The following NLRP7 variants were observed in gnomAD, a reference collection of about 807,000 sequenced individuals.
NLRP7 encodes NACHT, LRR and PYD domains-containing protein 7.
In NLRP7, 72 loss-of-function variants were observed where a neutral mutation model predicts 85.5. The ratio of observed to expected loss-of-function variants is 0.84; its 90% CI spans 0.70 to 1.02. NLRP7 has a LOEUF of 1.02. Ranked by LOEUF, NLRP7 falls within the 50% of genes least tolerant of loss-of-function variation. The pLI is 0.00. For missense variants in NLRP7, 1,243 were observed against 1,219.5 expected, an observed-to-expected ratio of 1.02 and a Z score of -0.29; for synonymous variants, 550 against 505.2, an observed-to-expected ratio of 1.09 and a Z score of -1.19.
chr19:54,930,835 C>T (rs1292943068), intron 8 of NLRP7, among the ~76,000 whole-genome samples, 169 bp from the exon 9 acceptor site: 6 of 152,062 alleles, frequency 3.9e-5, no homozygotes, highest in Non-Finnish European at 7.4e-5. Flanking sequence ...TCTGCCTCAG[C>T]CTCCCAAGTA....
At chr19:54,948,790 CA>C (rs1318192123), upstream of NLRP7, 1 of 152,220 alleles carries the variant, frequency 6.6e-6, no homozygotes, top group East Asian at 1.9e-4. Flanking sequence ...AGGCTGGTCT[CA>C]AACTCCTGAT....
rs104895502 is a variant in NLRP7, at chr19:54,938,095, C to T, written c.2078G>A (p.Arg693Gln). 6.2e-6 allele frequency: 10 copies of T among 1,613,900 alleles called. No homozygotes were observed. The highest frequency in any genetic ancestry group is 4.5e-5 in the East Asian group (2 of 44,880). The change falls in exon 5 of 10, where the codon CGG (arginine) becomes CAG (glutamine). Residue 693 changes from arginine (R) to glutamine (Q), a missense_variant. This residue lies in a region of NLRP7 where 613 missense variants were observed against 588.4 expected (regional missense o/e 1.04). Coordinates refer to ENST00000340844, the Ensembl canonical transcript of NLRP7. Reference sequence around the variant, plus strand: ...ACGGGTTACGTGGTCACAAAGAATCCGCACAGAAGAGTCACTCAGGAAGCT... The same window carrying T: ...ACGGGTTACGTGGTCACAAAGAATCTGCACAGAAGAGTCACTCAGGAAGCT...
chr19:54,943,508 G>A (rs1010792530), intron 1 of NLRP7, among the ~76,000 whole-genome samples: 2 of 151,748 alleles, frequency 1.3e-5, no homozygotes, highest in African/African-American at 2.4e-5. Flanking sequence ...GGCTGAGGCA[G>A]GAGAATGGCG....
At chr19:54,964,441 C>T (rs892471494) in intron 1 of NLRP7, among the ~76,000 whole-genome samples, 1 of 148,482 alleles carries the variant, frequency 6.7e-6, no homozygotes, top group South Asian at 2.1e-4. Context: ...TGGTCTCGAT[C>T]TCCTGACCTC....
At chr19:54,959,372 TGTGATCCACCCGCCTTGGCCTCCCAAA>T (rs1027179807) in intron 1 of NLRP7, among the ~76,000 whole-genome samples, 8 of 150,610 alleles carry the variant, frequency 5.3e-5, no homozygotes, top group Non-Finnish European at 7.4e-5. Flanking sequence ...CTCCTGACCT[TGTGATCCACCCGCCTTGGCCTCCCAAA>T]GTGCTGGGAT....
exon 4 of NLRP7, chr19:54,939,859 C>T (rs1353729630): frequency 1.1e-5 from 17 of 1,613,892 alleles, no homozygotes; most frequent in Non-Finnish European, 1.4e-5. Flanking sequence ...AGCCCTCCAC[C>T]CTTACGTAGA....
At chr19:54,939,055 C>T (rs143826297) in exon 4 of NLRP7, 7 of 1,614,056 alleles carry the variant, frequency 4.3e-6, no homozygotes, top group South Asian at 3.3e-5. Flanking sequence ...TGAACGGGGC[C>T]ACCACCACCT....
intron 8 of NLRP7, among the ~76,000 whole-genome samples, chr19:54,931,209 G>T (rs2068662417): frequency 6.6e-6 from 1 of 152,056 alleles, no homozygotes; most frequent in Non-Finnish European, 1.5e-5. Flanking sequence ...ATCATTTGAG[G>T]TCAGGAGTTC....
At chr19:54,926,442 T>G (rs899440054) in intron 9 of NLRP7, among the ~76,000 whole-genome samples, 1 of 151,992 alleles carries the variant, frequency 6.6e-6, no homozygotes, top group Non-Finnish European at 1.5e-5. Context: ...GTACACACAC[T>G]CCCAAAAAAA....
chr19:54,937,981 A>G, intron 5 of NLRP7, 63 bp downstream of exon 5: 1 of 1,317,140 alleles, frequency 7.6e-7, no homozygotes, highest in Middle Eastern at 1.8e-4. Flanking sequence ...AATTTAAAAA[A>G]CAAAAGTACA....
intron 5 of NLRP7, among the ~76,000 whole-genome samples, chr19:54,937,054 T>A (rs1186593177): frequency 3.3e-5 from 5 of 150,090 alleles, no homozygotes; most frequent in Middle Eastern, 3.5e-3. Flanking sequence ...CCGTCTTTAC[T>A]AAAATTACAA....
At chr19:54,958,865 G>A (rs550661614) in intron 1 of NLRP7, among the ~76,000 whole-genome samples, 8 of 152,100 alleles carry the variant, frequency 5.3e-5, no homozygotes, top group East Asian at 1.9e-4. Flanking sequence ...TAAAGACTGC[G>A]CATGAAAGGG....
intron 1 of NLRP7, among the ~76,000 whole-genome samples, chr19:54,946,271 G>A (rs912749663): frequency 6.6e-6 from 1 of 151,474 alleles, no homozygotes; most frequent in Non-Finnish European, 1.5e-5. Context: ...GAGTGCAGTG[G>A]CGCAATCTCA....
intron 9 of NLRP7, among the ~76,000 whole-genome samples, chr19:54,924,620 CTTTAAAAAATAAA>C (rs961238235): frequency 3.9e-5 from 6 of 151,936 alleles, no homozygotes; most frequent in African/African-American, 1.5e-4. Context: ...TAAAACATGC[CTTTAAAAAATAAA>C]TTTAAAAAAT....
upstream of NLRP7, among the ~76,000 whole-genome samples, chr19:54,950,701 A>G (rs956220586): frequency 6.6e-5 from 10 of 150,538 alleles, no homozygotes; most frequent in East Asian, 1.7e-3. Flanking sequence ...TATATGGAAT[A>G]TACAATCGGG....
exon 4 of NLRP7, chr19:54,940,241 A>C: frequency 6.2e-7 from 1 of 1,614,214 alleles, no homozygotes; most frequent in Non-Finnish European, 8.5e-7. Flanking sequence ...TGTCCAGTCC[A>C]GCATACACTT....
Position 54,962,756 on chromosome 19 carries a change from C to T in NLRP7, c.-77+3284G>A, listed in dbSNP as rs560598926. ...CTGGGACTACAGGCGCCCGCCACCA[C>T]GCCCGGCTAATTTTTTGTATTTTTA... is the stretch of plus-strand genomic sequence containing the variant. On this transcript the variant is annotated intron_variant, in intron 1 of 2. Coordinates refer to the NLRP7 transcript ENST00000587103. 1.4e-3 allele frequency among the ~76,000 whole-genome samples: 212 copies of T among 150,642 alleles called. 3 individuals carry two copies. The highest frequency in any genetic ancestry group is 6.9e-3 in the Middle Eastern group (2 of 290).
rs754344098 is a variant in NLRP7, at chr19:54,927,571, A to AAAAAC, written c.2810+2923_2810+2927dup. The AAAAAC allele has an allele frequency of 2.9e-5, 46 of 1,559,698 alleles. No homozygotes were observed. In the Admixed American group the frequency reaches 7.3e-4, roughly 25 times the overall value. On this transcript the variant is annotated intron_variant, in intron 9 of 9. Coordinates refer to ENST00000340844, the Ensembl canonical transcript of NLRP7. ...ACTCCATCTCAAAAAAACAAAAACAAAAAACAAAACAAAACAAAACAAAAA... is the reference window on the plus strand; with the variant it reads ...ACTCCATCTCAAAAAAACAAAAACAAAAAACAAAACAAAACAAAACAAAACAAAAA...
chr19:54,954,528 CAAA>C (rs35846819), intron 1 of NLRP7, among the ~76,000 whole-genome samples: 314 of 47,504 alleles, frequency 6.6e-3, no homozygotes, highest in Middle Eastern at 0.019. Flanking sequence ...GACTCCGTCT[CAAA>C]AAAAAAAAAA....
Sources: gnomAD v4.1 joint callset for allele counts (sites outside exome capture counted in the v4.1 genomes callset) on GRCh38, gnomAD v4.1.1 for gene constraint, gnomAD v4.1.1 regional missense constraint, MANE v1.5 for transcripts, NCBI Gene and HGNC (gene_info 2026-07-23, HGNC 2026-07-21) for gene names.